DOCK3: variants seen among roughly 807,000 people sequenced by gnomAD.
DOCK3 encodes the protein dedicator of cytokinesis 3, also known as dedicator of cytokinesis protein 3.
DOCK3 carries 60 observed loss-of-function variants against 265.6 expected under a neutral mutation model. The ratio of observed to expected loss-of-function variants is 0.23; its 90% CI spans 0.18 to 0.28. The LOEUF is 0.28. Ranked by LOEUF, DOCK3 falls within the 10% of genes least tolerant of loss-of-function variation. DOCK3 has a pLI of 1.00. For synonymous variants in DOCK3, 881 were observed against 938.0 expected, an observed-to-expected ratio of 0.94 and a Z score of 1.11; for missense variants, 1,981 against 2,594.3, an observed-to-expected ratio of 0.76 and a Z score of 5.14.
intron 12 of DOCK3, among the ~76,000 whole-genome samples, chr3:51,179,329 T>C (rs2087146611): frequency 6.6e-6 from 1 of 152,192 alleles, no homozygotes; most frequent in African/African-American, 2.4e-5. Context: ...CATCCTAATA[T>C]CAAAAAAGTA....
chr3:51,116,239 C>A (rs1243696907), intron 9 of DOCK3, among the ~76,000 whole-genome samples: 1 of 151,900 alleles, frequency 6.6e-6, no homozygotes, highest in Non-Finnish European at 1.5e-5. Context: ...ATCATGATGT[C>A]AGGAGATCAA....
intron 19 of DOCK3, among the ~76,000 whole-genome samples, chr3:51,230,071 G>A (rs977738517): frequency 6.6e-6 from 1 of 152,048 alleles, no homozygotes; most frequent in Non-Finnish European, 1.5e-5. Flanking sequence ...CCATTTTAAG[G>A]CTGAATAGCA....
intron 26 of DOCK3, 55 bp from the exon 27 acceptor site, chr3:51,280,051 G>A: frequency 6.8e-7 from 1 of 1,464,602 alleles, no homozygotes; most frequent in Non-Finnish European, 9.5e-7. Context: ...ATGGATTGGG[G>A]GAACACAGCC....
At chr3:50,744,425 A>G (rs1268071487) in intron 1 of DOCK3, among the ~76,000 whole-genome samples, 1 of 137,470 alleles carries the variant, frequency 7.3e-6, no homozygotes, top group Non-Finnish European at 1.6e-5. Context: ...TCTTTGATCC[A>G]TCTTCAGTTA....
chr3:50,945,272 A>C (rs963264342), intron 5 of DOCK3, among the ~76,000 whole-genome samples: 2 of 152,158 alleles, frequency 1.3e-5, no homozygotes, highest in African/African-American at 4.8e-5. Context: ...CTTTCCTATT[A>C]AAAATTCACC....
At chr3:51,068,560 A>AAAAGGAG (rs529031027) in intron 6 of DOCK3, among the ~76,000 whole-genome samples, 1 of 82,418 alleles carries the variant, frequency 1.2e-5, no homozygotes, top group Non-Finnish European at 2.2e-5. Context: ...AAAAAAAAAA[A>AAAAGGAG]AAGAAGAAGA....
intron 22 of DOCK3, among the ~76,000 whole-genome samples, chr3:51,247,688 G>A (rs4974094): frequency 0.82 from 125,063 of 152,214 alleles, 51,964 homozygotes; most frequent in Middle Eastern, 0.9. Context: ...ATCTGAGGCT[G>A]CAAGGCTCAT....
chr3:51,120,149 G>A (rs978575981), intron 9 of DOCK3, among the ~76,000 whole-genome samples: 2 of 152,140 alleles, frequency 1.3e-5, no homozygotes, highest in African/African-American at 4.8e-5. Context: ...TGGAGTTTAT[G>A]CATGGTCGTA....
intron 5 of DOCK3, among the ~76,000 whole-genome samples, chr3:51,054,341 G>C (rs2109153712): frequency 6.6e-6 from 1 of 152,142 alleles, no homozygotes; most frequent in East Asian, 1.9e-4. Flanking sequence ...TTGTCCCAAT[G>C]CCCTTCTAGT....
In DOCK3 at chr3:50,945,991, C is replaced by T. The variant is rs964087267; in HGVS notation, c.315+11914C>T. Among the ~76,000 whole-genome samples the T allele has an allele frequency of 3.4e-5, 5 of 148,976 alleles. No individual in the cohort carries two copies. In the Admixed American group the frequency reaches 3.4e-4, roughly 10 times the overall value. Reference sequence around the variant, plus strand: ...TCTGTAATCCCAGCTACTTGGGAAGCTGAGGCAGGAAGATCATTTGAGCCC... The same window carrying T: ...TCTGTAATCCCAGCTACTTGGGAAGTTGAGGCAGGAAGATCATTTGAGCCC... On this transcript the variant is annotated intron_variant, in intron 5 of 52. Coordinates refer to ENST00000266037, the MANE Select transcript of DOCK3 (RefSeq NM_004947.5).
chr3:50,686,475 T>C (rs1228037059), intron 1 of DOCK3, among the ~76,000 whole-genome samples: 20 of 152,252 alleles, frequency 1.3e-4, no homozygotes, highest in Admixed American at 1.3e-3. Context: ...CCTGGTTTAT[T>C]CACAGATTGG....
At chr3:51,248,992 C>T (rs566468314) in intron 22 of DOCK3, among the ~76,000 whole-genome samples, 6 of 150,532 alleles carry the variant, frequency 4.0e-5, no homozygotes, top group African/African-American at 1.5e-4. Context: ...GCCTCTCCGC[C>T]CGGCAGCCGC....
intron 24 of DOCK3, among the ~76,000 whole-genome samples, chr3:51,274,364 A>G (rs1204283182): frequency 1.3e-5 from 2 of 152,224 alleles, no homozygotes; most frequent in Non-Finnish European, 2.9e-5. Flanking sequence ...ATAAAGAGGG[A>G]CAATCTATAA....
At chr3:50,962,912 C>A (rs1041213554) in intron 5 of DOCK3, among the ~76,000 whole-genome samples, 1 of 152,186 alleles carries the variant, frequency 6.6e-6, no homozygotes, top group Non-Finnish European at 1.5e-5. Context: ...TTGGGCCAGG[C>A]GCAGTGGCTC....
At chr3:51,045,206 G>C (rs577941530) in intron 5 of DOCK3, among the ~76,000 whole-genome samples, 3 of 152,206 alleles carry the variant, frequency 2.0e-5, no homozygotes, top group Non-Finnish European at 2.9e-5. Context: ...TCAACACTTA[G>C]AGGCCCATTG....
chr3:50,907,352 G>A (rs577596037), intron 4 of DOCK3, among the ~76,000 whole-genome samples: 1 of 152,130 alleles, frequency 6.6e-6, no homozygotes, highest in South Asian at 2.1e-4. Context: ...TGACAGTGGG[G>A]TGTTAAAAGT....
At chr3:50,903,230 C>A (rs1046080829) in intron 4 of DOCK3, among the ~76,000 whole-genome samples, 1 of 152,152 alleles carries the variant, frequency 6.6e-6, no homozygotes, top group African/African-American at 2.4e-5. Context: ...GAGAGGGAAT[C>A]CTCTTCTTGT....
At chr3:51,168,062 T>G (rs2086493923) in intron 12 of DOCK3, among the ~76,000 whole-genome samples, 1 of 152,200 alleles carries the variant, frequency 6.6e-6, no homozygotes, top group Non-Finnish European at 1.5e-5. Context: ...AATATGATAT[T>G]AGCTGTGGGC....
In DOCK3 at chr3:51,057,882, C is replaced by T. The variant is rs375956421; in HGVS notation, c.316-6566C>T. Among the ~76,000 whole-genome samples, 14 of 152,106 alleles carry T rather than the reference C, an allele frequency of 9.2e-5. 1 individual carries two copies. In the South Asian group the frequency reaches 1.5e-3, roughly 16 times the overall value. ...GGTGTAGGATAAGTAATTTCATTTT[C>T]ATGTATTTGGAAACAACTGATTTTC... On this transcript the variant is annotated intron_variant, in intron 5 of 52. Transcript: ENST00000266037.
Sources: allele counts gnomAD v4.1 joint callset (sites outside exome capture counted in the v4.1 genomes callset), GRCh38; gene constraint gnomAD v4.1.1; transcripts MANE v1.5; gene names NCBI Gene and HGNC (gene_info 2026-07-23, HGNC 2026-07-21).